The following ADK variants were observed in gnomAD, a reference collection of about 807,000 sequenced individuals.
The protein encoded by ADK is N6,N6-dimethyladenosine kinase.
Under a neutral mutation model 44.7 loss-of-function variants are expected in ADK, and 24 were observed. That is an observed-to-expected ratio of 0.54 (90% CI 0.39 to 0.76). ADK has a LOEUF of 0.76. Ranked by LOEUF, ADK falls within the 30% of genes least tolerant of loss-of-function variation. ADK has a pLI of 0.00. For missense variants in ADK, 321 were observed against 425.1 expected (o/e 0.76, Z 2.15); for synonymous variants, 128 against 142.6 (o/e 0.90, Z 0.73).
At chr10:74,424,535 C>CAAAAAAAAAAAA (rs57106986) in intron 6 of ADK, among the ~76,000 whole-genome samples, 35 of 58,460 alleles carry the variant, frequency 6.0e-4, no homozygotes, top group African/African-American at 2.3e-3. Context: ...AACTCCGTCT[C>CAAAAAAAAAAAA]AAAAAAAAAA....
chr10:74,513,381 A>G (rs539718774), intron 6 of ADK, among the ~76,000 whole-genome samples: 31 of 152,200 alleles, frequency 2.0e-4, no homozygotes, highest in African/African-American at 7.2e-4. Flanking sequence ...TTCACTTTAG[A>G]TCTAATAATA....
chr10:74,672,289 G>A (rs1402847745), intron 10 of ADK, among the ~76,000 whole-genome samples: 3 of 152,020 alleles, frequency 2.0e-5, no homozygotes, highest in Admixed American at 2.0e-4. Flanking sequence ...TTGCTTCCTT[G>A]TGTTTTGTTT....
chr10:74,673,516 T>A (rs1348087059), intron 10 of ADK, among the ~76,000 whole-genome samples: 1 of 152,184 alleles, frequency 6.6e-6, no homozygotes, highest in Non-Finnish European at 1.5e-5. Flanking sequence ...TGAGCGCTTT[T>A]GGGCACTGGT....
At chr10:74,415,614 A>T (rs994342686) in intron 6 of ADK, among the ~76,000 whole-genome samples, 1 of 152,122 alleles carries the variant, frequency 6.6e-6, no homozygotes, top group Non-Finnish European at 1.5e-5. Context: ...GTATTTATGA[A>T]CCATTGAGTT....
At chr10:74,677,484 T>G (rs2134220000) in intron 10 of ADK, among the ~76,000 whole-genome samples, 1 of 152,290 alleles carries the variant, frequency 6.6e-6, no homozygotes, top group South Asian at 2.1e-4. Flanking sequence ...AATTGCTGCT[T>G]CATTGTGCTA....
intron 4 of ADK, among the ~76,000 whole-genome samples, chr10:74,318,571 T>C (rs1840706963): frequency 6.6e-6 from 1 of 152,232 alleles, no homozygotes; most frequent in Non-Finnish European, 1.5e-5. Flanking sequence ...TTACTAAAAC[T>C]GTAACTTACT....
chr10:74,417,410 A>G (rs891826428), intron 6 of ADK, among the ~76,000 whole-genome samples: 1 of 152,128 alleles, frequency 6.6e-6, no homozygotes, highest in Non-Finnish European at 1.5e-5. Flanking sequence ...GTTTTAAGGT[A>G]CACTGTAGTG....
At chr10:74,227,740 A>C (rs943471241) in intron 3 of ADK, among the ~76,000 whole-genome samples, 3 of 152,178 alleles carry the variant, frequency 2.0e-5, no homozygotes, top group Non-Finnish European at 2.9e-5. Context: ...GCTACTCAGG[A>C]GGCTGAGGCA....
At chr10:74,321,006 G>A (rs547233132) in intron 4 of ADK, among the ~76,000 whole-genome samples, 1 of 152,264 alleles carries the variant, frequency 6.6e-6, no homozygotes, top group Non-Finnish European at 1.5e-5. Context: ...GAGATTCATA[G>A]TATTATGTGA....
chr10:74,513,693 G>A (rs1401738618), intron 6 of ADK, among the ~76,000 whole-genome samples: 1 of 152,012 alleles, frequency 6.6e-6, no homozygotes. Flanking sequence ...CAGCTAGTAT[G>A]TATCTTTTAA....
chr10:74,363,289 G>C (rs1019160869), intron 4 of ADK, among the ~76,000 whole-genome samples: 2 of 152,130 alleles, frequency 1.3e-5, no homozygotes, highest in Admixed American at 1.3e-4. Context: ...TGCCCCCTTG[G>C]GATTTGCTGT....
At chr10:74,415,437 CTG>C (rs1432326488) in intron 6 of ADK, among the ~76,000 whole-genome samples, 1 of 152,134 alleles carries the variant, frequency 6.6e-6, no homozygotes, top group Non-Finnish European at 1.5e-5. Flanking sequence ...TGTATGTAAA[CTG>C]GACATAAACA....
chr10:74,270,427 G>T (rs1415957941), intron 3 of ADK, among the ~76,000 whole-genome samples: 2 of 152,212 alleles, frequency 1.3e-5, no homozygotes, highest in Non-Finnish European at 1.5e-5. Flanking sequence ...GTAGAAGACA[G>T]CTGGATTTTC....
chr10:74,434,249 C>G (rs1335953874), intron 6 of ADK, among the ~76,000 whole-genome samples: 1 of 152,124 alleles, frequency 6.6e-6, no homozygotes, highest in African/African-American at 2.4e-5. Context: ...GAGGTCATCG[C>G]TGTCTAAAAT....
chr10:74,216,744 A>G (rs561854621), intron 2 of ADK, among the ~76,000 whole-genome samples: 1 of 152,218 alleles, frequency 6.6e-6, no homozygotes, highest in Non-Finnish European at 1.5e-5. Flanking sequence ...AATAAAAAAA[A>G]AAAAGTTTCA....
At chr10:74,394,341 T>C (rs1843438130) in intron 5 of ADK, 28 bp downstream of exon 5, 7 of 1,607,676 alleles carry the variant, frequency 4.4e-6, no homozygotes, top group African/African-American at 1.3e-5. Context: ...GGAACCACTA[T>C]ACTAATTGGC....
At chr10:74,273,615 C>A (rs1177448983) in intron 3 of ADK, among the ~76,000 whole-genome samples, 1 of 151,978 alleles carries the variant, frequency 6.6e-6, no homozygotes, top group Non-Finnish European at 1.5e-5. Flanking sequence ...GTGCTACCAC[C>A]CCTGGCTAAT....
At chr10:74,425,576 G>A (rs1844763795) in intron 6 of ADK, among the ~76,000 whole-genome samples, 1 of 151,682 alleles carries the variant, frequency 6.6e-6, no homozygotes, top group Admixed American at 6.6e-5. Context: ...CTGATTTCAC[G>A]ATACCAGCCT....
intron 6 of ADK, among the ~76,000 whole-genome samples, chr10:74,412,085 T>G (rs1009666191): frequency 9.2e-5 from 14 of 152,220 alleles, no homozygotes; most frequent in African/African-American, 3.1e-4. Flanking sequence ...CTTCTTCCAC[T>G]GAAGTCTTGA....
Sources: allele counts gnomAD v4.1 joint callset (sites outside exome capture counted in the v4.1 genomes callset), GRCh38; gene constraint gnomAD v4.1.1; transcripts MANE v1.5; gene names NCBI Gene and HGNC (gene_info 2026-07-23, HGNC 2026-07-21).